Variants in DIAPH2 observed in about 807,000 individuals in gnomAD.
DIAPH2 encodes the protein protein diaphanous homolog 2.
DIAPH2 carries 35 observed loss-of-function variants against 92.7 expected under a neutral mutation model. The ratio of observed to expected loss-of-function variants is 0.38; its 90% CI spans 0.29 to 0.50. The LOEUF (loss-of-function observed/expected upper bound fraction) is 0.50, where lower values mean the gene tolerates loss of function less well. Ranked by LOEUF, DIAPH2 falls within the 20% of genes least tolerant of loss-of-function variation. DIAPH2 has a pLI of 0.94. For synonymous variants in DIAPH2, 301 were observed against 280.4 expected (o/e 1.07, Z -0.73); for missense variants, 701 against 819.5 (o/e 0.86, Z 1.77).
intron 5 of DIAPH2, among the ~76,000 whole-genome samples, chrX:96,899,255 C>T (rs377490885): frequency 6.5e-5 from 7 of 108,361 alleles, no homozygotes; most frequent in East Asian, 2.9e-4. Context: ...TTTTTCCAAT[C>T]CTGTGAAGAA....
At chrX:96,954,423 G>C (rs973545115) in intron 15 of DIAPH2, among the ~76,000 whole-genome samples, 9 of 112,208 alleles carry the variant, frequency 8.0e-5, no homozygotes, top group African/African-American at 2.6e-4. Context: ...ATGGATTGCA[G>C]TGTTCCCTTT....
chrX:97,470,839 T>A (rs184683457), intron 26 of DIAPH2, among the ~76,000 whole-genome samples: 1 of 110,866 alleles, frequency 9.0e-6, no homozygotes, highest in East Asian at 2.8e-4. Context: ...GTATGGTTGT[T>A]CTAGCTCAGA....
At chrX:97,174,328 G>A (rs5920811) in intron 22 of DIAPH2, among the ~76,000 whole-genome samples, 9 of 110,432 alleles carry the variant, frequency 8.1e-5, no homozygotes, top group African/African-American at 2.0e-4. Context: ...GTCAGAAGAC[G>A]TAGCAAGAAT....
In DIAPH2 at chrX:97,600,373, T is replaced by A. The variant is rs191702756; in HGVS notation, c.*1056T>A. On this transcript the variant is annotated 3_prime_UTR_variant, in exon 27 of 27. Coordinates refer to ENST00000324765, the MANE Select transcript of DIAPH2 (RefSeq NM_006729.5). ...ATCTCCCTTTCCACTCTCTTTCCAATTTCACTTTGGTGGTCTGAAGAAGAA... is the reference window on the plus strand; with the variant it reads ...ATCTCCCTTTCCACTCTCTTTCCAAATTCACTTTGGTGGTCTGAAGAAGAA... The A allele has an allele frequency of 8.9e-6, 1 of 112,481 alleles. No individual in the cohort carries two copies. Among genetic ancestry groups the A allele is most frequent in the African/African-American group, 3.2e-5 (1 of 30,807 alleles). The allele number at this position is 112,481 out of a possible 1,213,427, so 9.3% of individuals were successfully genotyped here.
At chrX:97,218,583 A>G (rs2067901742) in intron 22 of DIAPH2, among the ~76,000 whole-genome samples, 1 of 110,725 alleles carries the variant, frequency 9.0e-6, no homozygotes, top group African/African-American at 3.3e-5. Context: ...GAAAAATCAA[A>G]TACTGCCTGC....
At position 97,541,546 on chromosome X, in the gene DIAPH2, A is replaced by G. The variant is rs778409070; in HGVS notation, c.3242-57707A>G. On this transcript the variant is annotated intron_variant, in intron 26 of 26. Coordinates refer to ENST00000324765, the MANE Select transcript of DIAPH2 (RefSeq NM_006729.5). ...TTAATGAAGTACTCAACAGGAAGGTATAACAATCCAAAATATGTCCTTTGT... is the reference window on the plus strand; with the variant it reads ...TTAATGAAGTACTCAACAGGAAGGTGTAACAATCCAAAATATGTCCTTTGT... 5.3e-5 allele frequency among the ~76,000 whole-genome samples: 6 copies of G among 112,454 alleles called. No homozygotes were observed. The East Asian group carries it at 1.7e-3, about 31-fold the overall frequency.
In DIAPH2 at chrX:97,067,244, T is replaced by A. The variant is rs1434184249; in HGVS notation, c.2051-5697T>A. On this transcript the variant is annotated intron_variant, in intron 17 of 26. Transcript: ENST00000324765. ...GGTTCCTTACAAACAGATTCATCTT[T>A]ACCAGCATTTTTAATTATTCTTTTC... 5.3e-5 allele frequency among the ~76,000 whole-genome samples: 6 copies of A among 112,375 alleles called. No homozygotes were observed. The East Asian group carries it at 1.1e-3, about 21-fold the overall frequency.
chrX:96,735,904 A>G (rs765042355), intron 2 of DIAPH2, 114 bp downstream of exon 2: 30 of 454,035 alleles, frequency 6.6e-5, no homozygotes, highest in Admixed American at 3.9e-4. Context: ...GATATTTACA[A>G]AGTATAGTAG....
intron 22 of DIAPH2, among the ~76,000 whole-genome samples, chrX:97,178,097 A>G (rs2067507293): frequency 9.1e-6 from 1 of 110,161 alleles, no homozygotes; most frequent in Non-Finnish European, 1.9e-5. Flanking sequence ...TTTAATCTCT[A>G]TAATCCCAGC....
intron 4 of DIAPH2, among the ~76,000 whole-genome samples, chrX:96,781,720 A>T (rs2064419264): frequency 9.0e-6 from 1 of 110,783 alleles, no homozygotes; most frequent in Admixed American, 9.7e-5. Context: ...ATATATATAT[A>T]TAAGTATTTT....
At chrX:97,399,584 C>T (rs2069735910) in intron 25 of DIAPH2, among the ~76,000 whole-genome samples, 1 of 112,115 alleles carries the variant, frequency 8.9e-6, no homozygotes, top group Admixed American at 9.5e-5. Flanking sequence ...CTGTCATGCT[C>T]CTCCTGATGC....
chrX:97,282,203 G>T (rs961997422), intron 23 of DIAPH2, among the ~76,000 whole-genome samples: 5 of 111,912 alleles, frequency 4.5e-5, no homozygotes, highest in Middle Eastern at 4.7e-3. Flanking sequence ...TTTTGTCTTT[G>T]TGTGCCTATG....
chrX:97,070,391 G>T (rs1248580801), intron 17 of DIAPH2, among the ~76,000 whole-genome samples: 1 of 111,605 alleles, frequency 9.0e-6, no homozygotes, highest in Non-Finnish European at 1.9e-5. Flanking sequence ...GTAACCATTA[G>T]AAACATACAG....
At chrX:97,238,602 A>T (rs1488604289) in intron 22 of DIAPH2, among the ~76,000 whole-genome samples, 14 of 105,613 alleles carry the variant, frequency 1.3e-4, no homozygotes, top group Non-Finnish European at 2.3e-4. Context: ...AGAATGAGTC[A>T]TTTTCTCACA....
chrX:97,467,389 A>G (rs1322511573), intron 26 of DIAPH2, among the ~76,000 whole-genome samples: 3 of 112,240 alleles, frequency 2.7e-5, no homozygotes, highest in Non-Finnish European at 5.6e-5. Flanking sequence ...GTAGTAGACT[A>G]GTATCCTGGT....
intron 5 of DIAPH2, among the ~76,000 whole-genome samples, chrX:96,891,377 A>C (rs1313249849): frequency 8.9e-6 from 1 of 111,965 alleles, no homozygotes; most frequent in Admixed American, 9.5e-5. Context: ...GTAAATCCCA[A>C]TCTGCCATCA....
At chrX:96,747,312 A>T (rs1440151897) in intron 3 of DIAPH2, among the ~76,000 whole-genome samples, 1 of 112,256 alleles carries the variant, frequency 8.9e-6, no homozygotes. Flanking sequence ...ATACGTCAAT[A>T]AGGACTGTGT....
intron 4 of DIAPH2, among the ~76,000 whole-genome samples, chrX:96,874,821 T>C (rs1357498001): frequency 8.9e-6 from 1 of 112,318 alleles, no homozygotes; most frequent in Admixed American, 9.5e-5. Context: ...CTCTATACTC[T>C]ATTGGTTAAA....
At chrX:97,174,993 G>A (rs950744979) in intron 22 of DIAPH2, among the ~76,000 whole-genome samples, 7 of 111,293 alleles carry the variant, frequency 6.3e-5, no homozygotes, top group African/African-American at 2.3e-4. Context: ...AGAGATGGAG[G>A]GAGAGAGGAA....
Sources: gnomAD v4.1 joint callset for allele counts (sites outside exome capture counted in the v4.1 genomes callset) on GRCh38, gnomAD v4.1.1 for gene constraint, MANE v1.5 for transcripts, NCBI Gene and HGNC (gene_info 2026-07-23, HGNC 2026-07-21) for gene names.